Variants in PDE6B observed in about 807,000 individuals in gnomAD.
The protein encoded by PDE6B is phosphodiesterase 6B.
Under a neutral mutation model 109.0 loss-of-function variants are expected in PDE6B, and 106 were observed. The observed-to-expected ratio is 0.97, with a 90% CI of 0.83 to 1.14. PDE6B has a LOEUF of 1.14. Ranked by LOEUF, PDE6B falls within the 50% of genes most tolerant of loss-of-function variation. The pLI is 0.00. For synonymous variants in PDE6B, 490 were observed against 471.3 expected, an observed-to-expected ratio of 1.04 and a Z score of -0.51; for missense variants, 1,193 against 1,155.6, an observed-to-expected ratio of 1.03 and a Z score of -0.47.
rs146221043 is a variant in PDE6B, at chr4:663,341, C to T, written c.1920+154C>T. ...GAGGGCGGCAGAGAAGGCGGAGGGCCGAGGCTGAGGGCAGGTGCATCGGAG... is the reference window on the plus strand; with the variant it reads ...GAGGGCGGCAGAGAAGGCGGAGGGCTGAGGCTGAGGGCAGGTGCATCGGAG... On this transcript the variant is annotated intron_variant, in intron 15 of 21. Transcript: ENST00000496514. This position sits in a 1 kb window ranked among gnomAD's most constrained non-coding sequence, Gnocchi z 4.0. Among the ~76,000 whole-genome samples the T allele has an allele frequency of 3.9e-4, 59 of 152,202 alleles. No individual in the cohort carries two copies. The East Asian group carries it at 9.5e-3, about 24-fold the overall frequency.
chr4:647,121 G>A (rs561350538), intron 3 of PDE6B, among the ~76,000 whole-genome samples: 1 of 152,122 alleles, frequency 6.6e-6, no homozygotes, highest in East Asian at 1.9e-4. Flanking sequence ...GCCTCCCAAA[G>A]CACTAGAATT....
chr4:640,181 A>T (rs1402406914), intron 3 of PDE6B, among the ~76,000 whole-genome samples: 1 of 152,142 alleles, frequency 6.6e-6, no homozygotes, highest in Non-Finnish European at 1.5e-5. Flanking sequence ...TTCTACCAAG[A>T]TGTGGCTTGT....
At position 635,957 on chromosome 4, in the gene PDE6B, G is replaced by A. The variant is rs148264146; in HGVS notation, c.699G>A (p.Thr233=). 9.9e-5 allele frequency: 158 copies of A among 1,603,716 alleles called. No homozygotes were observed. In the East Asian group the frequency reaches 2.7e-3, roughly 28 times the overall value. The change falls in exon 3 of 22, where the codon ACG becomes ACA. Residue 233 remains threonine, a synonymous_variant. Coordinates refer to ENST00000496514, the MANE Select transcript of PDE6B (RefSeq NM_000283.4). ...YHLSYLHNCE[T]RRGQVLLWSA... is the part of the protein sequence containing the mutation. Reference sequence around the variant, plus strand: ...TGAGCTACCTCCACAACTGCGAGACGCGCCGCGGCCAGGTACCCACACGCT... The same window carrying A: ...TGAGCTACCTCCACAACTGCGAGACACGCCGCGGCCAGGTACCCACACGCT...
At position 635,908 on chromosome 4, in the gene PDE6B, C is replaced by T. The variant is rs748586554; in HGVS notation, c.650C>T (p.Thr217Met). Residue 217 changes from threonine to methionine, a missense_variant, in exon 3 of 22, where the codon ACG (threonine) becomes ATG (methionine). Thr to Met is a moderately conservative substitution (Grantham distance 81). Coordinates refer to ENST00000496514, the MANE Select transcript of PDE6B (RefSeq NM_000283.4). ...DVFLKYLNFA[T>M]LYLKIYHLSY... ...TTCTTGAAGTACCTGAATTTTGCCA[C>T]GTTGTACCTGAAGATCTATCACCTG... 3.1e-5 allele frequency: 49 copies of T among 1,603,164 alleles called. No individual in the cohort carries two copies. Among genetic ancestry groups the T allele is most frequent in the Non-Finnish European group, 3.9e-5 (46 of 1,170,128 alleles).
intron 1 of PDE6B, among the ~76,000 whole-genome samples, chr4:631,968 A>G (rs1375382915): frequency 7.0e-6 from 1 of 142,596 alleles, no homozygotes. Flanking sequence ...ACCATCTGCT[A>G]TCTCAGGGTC....
At chr4:669,791 C>T (rs1262229965) in intron 21 of PDE6B, among the ~76,000 whole-genome samples, 1 of 152,018 alleles carries the variant, frequency 6.6e-6, no homozygotes, top group African/African-American at 2.4e-5. Context: ...ATGCTATTCC[C>T]GCTATCCTAT....
chr4:663,995 CG>C lies in PDE6B; in HGVS notation c.2022-117del. The C allele has an allele frequency of 9.0e-7, 1 of 1,109,386 alleles. No individual in the cohort carries two copies. The allele number at this position is 1,109,386 out of a possible 1,614,324, so 68.7% of individuals were successfully genotyped here. On this transcript the variant is annotated intron_variant, in intron 16 of 21. Coordinates refer to ENST00000496514, the MANE Select transcript of PDE6B (RefSeq NM_000283.4). This position sits in a 1 kb window ranked among gnomAD's most constrained non-coding sequence, Gnocchi z 4.0. Reference sequence around the variant, plus strand: ...AGCCCCGGATTCCGTCCCTGCCCGCCGGCCCCGCGCACCCCGGATGGGGCCT... The same window carrying C: ...AGCCCCGGATTCCGTCCCTGCCCGCCGCCCCGCGCACCCCGGATGGGGCCT...
At chr4:658,487 G>T (rs1305833350) in intron 10 of PDE6B, among the ~76,000 whole-genome samples, 2 of 151,684 alleles carry the variant, frequency 1.3e-5, no homozygotes, top group African/African-American at 4.8e-5. Context: ...TGTGGGGCAG[G>T]TCACCCAGGG....
chr4:658,320 G>A (rs1345814681), intron 10 of PDE6B, among the ~76,000 whole-genome samples: 90 of 143,896 alleles, frequency 6.3e-4, no homozygotes, highest in African/African-American at 2.3e-3. Context: ...TGCGGGGCAG[G>A]TCACCCAAGG....
In PDE6B at chr4:665,142, G is replaced by C; in HGVS notation, c.2194-113G>C. ...CTCAACCGGAGCCCTGTGTGGTGGG[G>C]ACCCCGGGGGTCTGGGGCGGAGAAG... On this transcript the variant is annotated intron_variant, in intron 18 of 21. Coordinates refer to ENST00000496514, the MANE Select transcript of PDE6B (RefSeq NM_000283.4). The surrounding 1 kb of genome is among the most constrained non-coding windows in gnomAD (Gnocchi z 4.0). 1 of 884,024 alleles carries C rather than the reference G, an allele frequency of 1.1e-6. No homozygotes were observed. The highest frequency in any genetic ancestry group is 1.4e-5 in the South Asian group (1 of 73,068). 54.8% of individuals were successfully genotyped at this position (884,024 alleles called of 1,614,324 possible).
chr4:628,189 A>T lies in PDE6B; in HGVS notation c.468+2095A>T, dbSNP rs149667262. ...CTTCATGAAGTGCAAATCCTCATGA[A>T]GTGCAAAGCCTCATGAAGTGCATCT... On this transcript the variant is annotated intron_variant, in intron 1 of 21. Transcript: ENST00000496514. Among the ~76,000 whole-genome samples, 45 of 152,192 alleles carry T rather than the reference A, an allele frequency of 3.0e-4. No homozygotes were observed. The East Asian group carries it at 7.5e-3, about 25-fold the overall frequency.
At chr4:655,575 G>C (rs1736119224) in intron 6 of PDE6B, 1 of 393,780 alleles carries the variant, frequency 2.5e-6, no homozygotes, top group African/African-American at 2.1e-5. Flanking sequence ...CGGCAGCCTG[G>C]GGAGGAGGAA....
chr4:646,759 G>C (rs967598063), intron 3 of PDE6B, among the ~76,000 whole-genome samples: 1 of 151,970 alleles, frequency 6.6e-6, no homozygotes, highest in Admixed American at 6.5e-5. Context: ...AGCGCGCCTT[G>C]TCCTTCCCAG....
intron 6 of PDE6B, 121 bp from the exon 7 acceptor site, chr4:655,815 GCACA>G: frequency 1.3e-6 from 1 of 751,416 alleles, no homozygotes; most frequent in South Asian, 1.4e-5. Flanking sequence ...TCTGACCCCT[GCACA>G]CACACGTGCA....
chr4:634,879 C>T (rs763142151), intron 2 of PDE6B, 50 bp downstream of exon 2: 2 of 1,541,400 alleles, frequency 1.3e-6, no homozygotes, highest in African/African-American at 1.4e-5. Context: ...CCCTGCCTGC[C>T]TGCCCGCCCG....
intron 3 of PDE6B, among the ~76,000 whole-genome samples, chr4:644,687 G>A (rs954792463): frequency 3.3e-5 from 5 of 151,970 alleles, no homozygotes; most frequent in Admixed American, 2.6e-4. Flanking sequence ...ACGCCACCAC[G>A]CCCACCTACT....
chr4:643,387 C>G (rs1193234105), intron 3 of PDE6B, among the ~76,000 whole-genome samples: 1 of 151,890 alleles, frequency 6.6e-6, no homozygotes, highest in Non-Finnish European at 1.5e-5. Context: ...CTTATAATGT[C>G]TTTATCTGGT....
chr4:656,931 G>A lies in PDE6B; in HGVS notation c.1165G>A (p.Val389Ile), dbSNP rs149477100. 2.6e-5 allele frequency: 42 copies of A among 1,612,924 alleles called. No individual in the cohort carries two copies. The highest frequency in any genetic ancestry group is 2.3e-4 in the African/African-American group (17 of 74,924). Residue 389 changes from valine (V) to isoleucine (I), a missense_variant, in exon 9 of 22, where the codon GTC becomes ATC. By Grantham distance (29) the Val-to-Ile change is conservative (BLOSUM62 3). Transcript: ENST00000496514. The part of the protein sequence containing the change: ...LIKNVLSMPI[V>I]NKKEEIVGVA... ...CAAGAATGTGCTGTCCATGCCCATC[G>A]TCAACAAGAAGGAGGAGATTGTGGG...
chr4:663,837 C>T lies in PDE6B; in HGVS notation c.1988C>T (p.Ala663Val). ...CACGTGATCCACCTGATGGACATCG[C>T]CATCATCGCCACGGACCTGGCCCTG... ...HEHVIHLMDI[A>V]IIATDLALYF... Residue 663 changes from alanine to valine, a missense_variant, in exon 16 of 22, where the codon GCC becomes GTC. Physicochemically the swap from Ala to Val is moderately conservative, Grantham distance 64 (BLOSUM62 0). Transcript: ENST00000496514. The surrounding 1 kb of genome is among the most constrained non-coding windows in gnomAD (Gnocchi z 4.0). The T allele has an allele frequency of 6.2e-7, 1 of 1,612,312 alleles. No individual in the cohort carries two copies. The highest frequency in any genetic ancestry group is 8.5e-7 in the Non-Finnish European group (1 of 1,179,386).
Sources: allele counts gnomAD v4.1 joint callset (sites outside exome capture counted in the v4.1 genomes callset), GRCh38; gene constraint gnomAD v4.1.1; non-coding constraint Gnocchi (gnomAD v3.1); transcripts MANE v1.5; gene names NCBI Gene and HGNC (gene_info 2026-07-23, HGNC 2026-07-21).